Variants in GNG12 observed in about 807,000 individuals in gnomAD.
GNG12 encodes the protein guanine nucleotide-binding protein G(I)/G(S)/G(O) subunit gamma-12.
For missense variants in GNG12, 69 were observed against 83.8 expected (o/e 0.82, Z 0.69); for synonymous variants, 28 against 29.7 (o/e 0.94, Z 0.19).
chr1:67,739,051 C>T (rs1209921101), intron 2 of GNG12, among the ~76,000 whole-genome samples: 4 of 152,064 alleles, frequency 2.6e-5, no homozygotes, highest in Admixed American at 2.6e-4. Context: ...TGGTGGCAGG[C>T]GTCTGTAGTC....
intron 2 of GNG12, among the ~76,000 whole-genome samples, chr1:67,768,059 A>G (rs1018606042): frequency 6.6e-6 from 1 of 152,382 alleles, no homozygotes; most frequent in South Asian, 2.1e-4. Flanking sequence ...CTATAGGCAC[A>G]TGCCACTGTG....
At chr1:67,822,510 TTGAGA>T (rs911038063) in intron 1 of GNG12, among the ~76,000 whole-genome samples, 1 of 151,884 alleles carries the variant, frequency 6.6e-6, no homozygotes, top group African/African-American at 2.4e-5. Flanking sequence ...TAACAATTGA[TTGAGA>T]TAAGTGCTAG....
intron 2 of GNG12, among the ~76,000 whole-genome samples, chr1:67,756,062 A>G (rs1646566392): frequency 6.6e-6 from 1 of 152,164 alleles, no homozygotes; most frequent in Non-Finnish European, 1.5e-5. Flanking sequence ...TCAGCCAGGT[A>G]AGACGAACCC....
chr1:67,728,900 C>A (rs1480991440), intron 2 of GNG12, among the ~76,000 whole-genome samples: 2 of 152,162 alleles, frequency 1.3e-5, no homozygotes, highest in Non-Finnish European at 2.9e-5. Context: ...TGTGCAAAGG[C>A]ACCACTGTTG....
chr1:67,790,595 G>A (rs141844162), intron 1 of GNG12, among the ~76,000 whole-genome samples: 139 of 148,078 alleles, frequency 9.4e-4, no homozygotes, highest in African/African-American at 3.3e-3. Flanking sequence ...TGACTGCATA[G>A]GCCATAGTTT....
chr1:67,743,269 G>A (rs1160786869), intron 2 of GNG12, among the ~76,000 whole-genome samples: 1 of 152,190 alleles, frequency 6.6e-6, no homozygotes, highest in African/African-American at 2.4e-5. Flanking sequence ...TCAGTGTCAA[G>A]ATTTAGTATG....
intron 2 of GNG12, among the ~76,000 whole-genome samples, chr1:67,774,063 CTG>C (rs1327322752): frequency 6.6e-6 from 1 of 152,170 alleles, no homozygotes; most frequent in Non-Finnish European, 1.5e-5. Context: ...GTCGGCCACT[CTG>C]TGTGGCATTA....
chr1:67,817,445 T>C (rs892685082), intron 1 of GNG12, among the ~76,000 whole-genome samples: 3 of 152,198 alleles, frequency 2.0e-5, no homozygotes, highest in African/African-American at 7.2e-5. Flanking sequence ...GGCTAGTGAA[T>C]GGCAGAGCTG....
intron 1 of GNG12, among the ~76,000 whole-genome samples, chr1:67,809,233 C>A (rs920079038): frequency 3.9e-5 from 6 of 151,972 alleles, no homozygotes; most frequent in Admixed American, 3.3e-4. Flanking sequence ...TTCCCTGCCC[C>A]CACCAAAAAA....
intron 1 of GNG12, among the ~76,000 whole-genome samples, chr1:67,782,600 T>G (rs903542873): frequency 6.6e-6 from 1 of 152,188 alleles, no homozygotes; most frequent in South Asian, 2.1e-4. Context: ...GTGGTATATG[T>G]ACTCAACTAA....
At chr1:67,772,137 G>A (rs1460752781) in intron 2 of GNG12, among the ~76,000 whole-genome samples, 1 of 152,212 alleles carries the variant, frequency 6.6e-6, no homozygotes, top group Non-Finnish European at 1.5e-5. Flanking sequence ...GTGACATAAT[G>A]ATGGAAAACA....
At chr1:67,768,015 GA>G (rs1646651669) in intron 2 of GNG12, among the ~76,000 whole-genome samples, 1 of 152,312 alleles carries the variant, frequency 6.6e-6, no homozygotes, top group African/African-American at 2.4e-5. Flanking sequence ...AGGCTCAAGG[GA>G]ATCCTTGGCT....
intron 2 of GNG12, among the ~76,000 whole-genome samples, chr1:67,730,630 T>G (rs2100699039): frequency 6.6e-6 from 1 of 152,340 alleles, no homozygotes; most frequent in East Asian, 1.9e-4. Flanking sequence ...TGGTTTCCTT[T>G]GAAGGGAAAG....
Position 67,821,802 on chromosome 1 carries a change from GTGGCACATAGAATAA to G in GNG12, c.-77+11527_-77+11541del, listed in dbSNP as rs558470424. ...TTTTTTCTTAGTGGCACATAGAATA[GTGGCACATAGAATAA>G]TGGCACATAGAATACCGGCACATCT... On this transcript the variant is annotated intron_variant, in intron 1 of 3. Coordinates refer to ENST00000370982, the MANE Select transcript of GNG12 (RefSeq NM_018841.6). 3.1e-4 allele frequency among the ~76,000 whole-genome samples: 45 copies of G among 143,630 alleles called. No individual in the cohort carries two copies. In the South Asian group the frequency reaches 7.7e-3, roughly 25 times the overall value. The allele number at this position is 143,630 out of a possible 152,430, so 94.2% of individuals were successfully genotyped here. A position where few individuals can be genotyped will look rare whatever the true frequency, so the allele number is the denominator to read the frequency against.
In GNG12 at chr1:67,704,544, A is replaced by T. The variant is rs1646234172; in HGVS notation, c.*907T>A. The T allele has an allele frequency of 6.6e-6, 1 of 152,566 alleles. No individual in the cohort carries two copies. The highest frequency in any genetic ancestry group is 1.5e-5 in the Non-Finnish European group (1 of 68,040). The allele number at this position is 152,566 out of a possible 1,614,324, so 9.5% of individuals were successfully genotyped here. On this transcript the variant is annotated 3_prime_UTR_variant, in exon 4 of 4. Transcript: ENST00000370982. Reference sequence around the variant, plus strand: ...GCTCATGTTCACTCCGTTTCATTCCAATCATCAGGGTGGAGATTTCAGAGG... The same window carrying T: ...GCTCATGTTCACTCCGTTTCATTCCTATCATCAGGGTGGAGATTTCAGAGG...
chr1:67,754,191 C>G (rs1646554983), intron 2 of GNG12, among the ~76,000 whole-genome samples: 1 of 152,168 alleles, frequency 6.6e-6, no homozygotes, highest in African/African-American at 2.4e-5. Context: ...AAGCTCTTGG[C>G]CTGGCCCACA....
intron 1 of GNG12, among the ~76,000 whole-genome samples, chr1:67,793,943 T>G (rs1346152211): frequency 6.6e-6 from 1 of 152,208 alleles, no homozygotes. Context: ...TATTTCTCTT[T>G]TGAATTCGTT....
chr1:67,744,464 G>A (rs977044333), intron 2 of GNG12, among the ~76,000 whole-genome samples: 6 of 152,068 alleles, frequency 3.9e-5, no homozygotes, highest in East Asian at 1.9e-4. Flanking sequence ...CACTGTGCTC[G>A]GGCACTTCTT....
At chr1:67,728,074 A>G (rs774633675) in intron 2 of GNG12, among the ~76,000 whole-genome samples, 1 of 152,232 alleles carries the variant, frequency 6.6e-6, no homozygotes, top group Admixed American at 6.5e-5. Flanking sequence ...GAAGCAGATC[A>G]TACCTGCACT....
Sources: allele counts gnomAD v4.1 joint callset (sites outside exome capture counted in the v4.1 genomes callset), GRCh38; gene constraint gnomAD v4.1.1; transcripts MANE v1.5; gene names NCBI Gene and HGNC (gene_info 2026-07-23, HGNC 2026-07-21).